Variants in CAMK2D observed in about 807,000 individuals in gnomAD.
CAMK2D encodes calcium/calmodulin dependent protein kinase II delta.
CAMK2D carries 37 observed loss-of-function variants against 84.0 expected under a neutral mutation model. The ratio of observed to expected loss-of-function variants is 0.44; its 90% CI spans 0.34 to 0.58. The LOEUF is 0.58. CAMK2D is among the 20% of genes least tolerant of loss of function. The probability of loss-of-function intolerance (pLI) is 0.02; values close to 1 mark genes in which losing one functional copy is unlikely to be tolerated. For synonymous variants in CAMK2D, 202 were observed against 212.5 expected (o/e 0.95, Z 0.43); for missense variants, 448 against 652.5 (o/e 0.69, Z 3.41).
At chr4:113,455,974 C>T (rs532171360) in intron 19 of CAMK2D, among the ~76,000 whole-genome samples, 153 bp from the exon 20 acceptor site, 1 of 152,300 alleles carries the variant, frequency 6.6e-6, no homozygotes, top group Admixed American at 6.5e-5. Context: ...GCGATTTGTG[C>T]TGTACCTCTT....
intron 19 of CAMK2D, 98 bp downstream of exon 19, chr4:113,457,237 C>G: frequency 6.7e-7 from 1 of 1,500,404 alleles, no homozygotes; most frequent in Non-Finnish European, 8.9e-7. Flanking sequence ...CAACTACTAG[C>G]GTTAAATAAC....
In CAMK2D at chr4:113,613,536, C is replaced by T. The variant is rs1330446412; in HGVS notation, c.221-4330G>A. Reference sequence around the variant, plus strand: ...GACAATTTCCACAGAAAAAGAAAACCATTTTGACTGTAGGTTTAAAATGTG... The same window carrying T: ...GACAATTTCCACAGAAAAAGAAAACTATTTTGACTGTAGGTTTAAAATGTG... On this transcript the variant is annotated intron_variant, in intron 3 of 20. Transcript: ENST00000511664. 2.6e-5 allele frequency among the ~76,000 whole-genome samples: 4 copies of T among 152,076 alleles called. 1 individual carries two copies. The highest frequency in any genetic ancestry group is 2.6e-4 in the Admixed American group (4 of 15,268).
chr4:113,635,885 A>G (rs2099108204), intron 3 of CAMK2D, among the ~76,000 whole-genome samples: 2 of 152,224 alleles, frequency 1.3e-5, no homozygotes, highest in Admixed American at 1.3e-4. Context: ...TAGCCTGCTG[A>G]CAGGAGCTGT....
chr4:113,614,689 T>C (rs1049499504), intron 3 of CAMK2D, among the ~76,000 whole-genome samples: 4 of 152,160 alleles, frequency 2.6e-5, no homozygotes, highest in African/African-American at 9.7e-5. Flanking sequence ...CTCATAGAAT[T>C]ATCACAAATA....
intron 4 of CAMK2D, among the ~76,000 whole-genome samples, chr4:113,578,402 G>A (rs971974922): frequency 6.6e-6 from 1 of 152,170 alleles, no homozygotes; most frequent in Non-Finnish European, 1.5e-5. Flanking sequence ...TTACAGAGTA[G>A]GTTAATGACC....
At chr4:113,497,862 T>C (rs932785285) in intron 16 of CAMK2D, among the ~76,000 whole-genome samples, 1 of 152,234 alleles carries the variant, frequency 6.6e-6, no homozygotes, top group African/African-American at 2.4e-5. Flanking sequence ...GTAGAGCAAG[T>C]GCTCGCATGC....
At chr4:113,501,042 A>G (rs2098034467) in intron 15 of CAMK2D, among the ~76,000 whole-genome samples, 2 of 152,262 alleles carry the variant, frequency 1.3e-5, no homozygotes, top group Admixed American at 6.5e-5. Flanking sequence ...AAGGGGGTTA[A>G]GCTGAGATAT....
At chr4:113,705,306 G>A (rs1184710561) in intron 2 of CAMK2D, among the ~76,000 whole-genome samples, 1 of 136,108 alleles carries the variant, frequency 7.3e-6, no homozygotes. Context: ...CAGCCTGGGG[G>A]ACAAAGTGAG....
intron 2 of CAMK2D, among the ~76,000 whole-genome samples, chr4:113,708,803 C>CA (rs1360690585): frequency 2.0e-5 from 3 of 152,168 alleles, no homozygotes; most frequent in African/African-American, 7.2e-5. Context: ...CGGCTCACTG[C>CA]AACCTCCGCC....
At chr4:113,661,558 A>G (rs78963951) in intron 3 of CAMK2D, among the ~76,000 whole-genome samples, 155 bp downstream of exon 3, 7,346 of 152,184 alleles carry the variant, frequency 0.048, 573 homozygotes, top group African/African-American at 0.16. Flanking sequence ...AACACAGGAA[A>G]ACTTTGAGGT....
At chr4:113,754,402 A>G (rs2099623771) in intron 2 of CAMK2D, 1 of 970,894 alleles carries the variant, frequency 1.0e-6, no homozygotes, top group African/African-American at 1.8e-5. Context: ...AAAGCCCAGT[A>G]CATGTAAGAT....
intron 2 of CAMK2D, among the ~76,000 whole-genome samples, chr4:113,686,142 A>G (rs922048367): frequency 2.0e-5 from 3 of 152,156 alleles, no homozygotes; most frequent in Admixed American, 2.0e-4. Context: ...GATTCTAAGC[A>G]AGATATCTGC....
intron 4 of CAMK2D, among the ~76,000 whole-genome samples, chr4:113,592,144 G>T (rs190717399): frequency 5.9e-5 from 9 of 152,212 alleles, no homozygotes; most frequent in Admixed American, 2.0e-4. Context: ...ACTGCAAGCC[G>T]ACAGCAGAAC....
intron 2 of CAMK2D, among the ~76,000 whole-genome samples, chr4:113,696,021 C>T (rs1002885480): frequency 4.6e-5 from 7 of 152,088 alleles, no homozygotes; most frequent in Non-Finnish European, 8.8e-5. Flanking sequence ...AACTCAGGAC[C>T]TTTGCACCTC....
intron 3 of CAMK2D, among the ~76,000 whole-genome samples, chr4:113,629,822 A>G (rs2099082477): frequency 6.6e-6 from 1 of 151,700 alleles, no homozygotes; most frequent in South Asian, 2.1e-4. Flanking sequence ...GGAAAAACAA[A>G]TTCTCCATTC....
intron 3 of CAMK2D, among the ~76,000 whole-genome samples, chr4:113,618,889 T>G (rs1047535999): frequency 2.6e-5 from 4 of 152,190 alleles, no homozygotes; most frequent in African/African-American, 9.7e-5. Context: ...TATTTTTATC[T>G]AAGCCTTCGA....
At chr4:113,544,291 G>C (rs935224007) in intron 6 of CAMK2D, among the ~76,000 whole-genome samples, 1 of 152,082 alleles carries the variant, frequency 6.6e-6, no homozygotes, top group African/African-American at 2.4e-5. Context: ...CCATAGGCAG[G>C]ACTATTTTAA....
chr4:113,480,007 G>T (rs2154127289), intron 16 of CAMK2D, among the ~76,000 whole-genome samples: 1 of 152,220 alleles, frequency 6.6e-6, no homozygotes, highest in Admixed American at 6.5e-5. Context: ...TGTCGCCCAG[G>T]TTGGGGTGCA....
At chr4:113,645,133 T>C (rs754395438) in intron 3 of CAMK2D, among the ~76,000 whole-genome samples, 17 of 152,008 alleles carry the variant, frequency 1.1e-4, no homozygotes, top group Admixed American at 5.2e-4. Flanking sequence ...TCTCCTGCCT[T>C]AGCCTCCTGA....
Sources: gnomAD v4.1 joint callset for allele counts (sites outside exome capture counted in the v4.1 genomes callset) on GRCh38, gnomAD v4.1.1 for gene constraint, MANE v1.5 for transcripts, NCBI Gene and HGNC (gene_info 2026-07-23, HGNC 2026-07-21) for gene names.